The following CADM2 variants were observed in gnomAD, a reference collection of about 807,000 sequenced individuals.
CADM2 encodes immunoglobulin superfamily member 4D.
CADM2 carries 12 observed loss-of-function variants against 49.8 expected under a neutral mutation model. That is an observed-to-expected ratio of 0.24 (90% CI 0.15 to 0.39). The LOEUF (loss-of-function observed/expected upper bound fraction) is 0.39, where lower values mean the gene tolerates loss of function less well. Ranked by LOEUF, CADM2 falls within the 10% of genes least tolerant of loss-of-function variation. The pLI is 1.00. For synonymous variants in CADM2, 214 were observed against 175.4 expected, an observed-to-expected ratio of 1.22 and a Z score of -1.74; for missense variants, 378 against 492.3, an observed-to-expected ratio of 0.77 and a Z score of 2.20.
intron 1 of CADM2, among the ~76,000 whole-genome samples, chr3:85,152,780 AC>A (rs1451436166): frequency 6.6e-6 from 1 of 151,804 alleles, no homozygotes; most frequent in African/African-American, 2.4e-5. Flanking sequence ...ACACAGTGAA[AC>A]CCCGTCTCTA....
intron 8 of CADM2, among the ~76,000 whole-genome samples, chr3:85,985,437 A>C (rs1385234240): frequency 6.6e-6 from 1 of 151,996 alleles, no homozygotes; most frequent in East Asian, 1.9e-4. Flanking sequence ...TGTCCTCAGG[A>C]GGACATATGG....
Position 85,071,027 on chromosome 3 carries a change from T to TAAATAAAC in CADM2, c.61+111366_61+111367insCAAATAAA, listed in dbSNP as rs1398738848. Among the ~76,000 whole-genome samples, 484 of 110,352 alleles carry TAAATAAAC rather than the reference T, an allele frequency of 4.4e-3. 2 individuals are homozygous for TAAATAAAC. Among genetic ancestry groups the TAAATAAAC allele is most frequent in the Middle Eastern group, 0.028 (6 of 212 alleles). 72.4% of individuals were successfully genotyped at this position (110,352 alleles called of 152,430 possible). ...ATAAATAAATAAATAAATAAACAAA[T>TAAATAAAC]AAATAAATAAATAAAATACTTATTA... On this transcript the variant is annotated intron_variant, in intron 1 of 9. Coordinates refer to ENST00000383699, the MANE Select transcript of CADM2 (RefSeq NM_001167675.2).
intron 1 of CADM2, among the ~76,000 whole-genome samples, chr3:84,982,738 T>TATATATATACG (rs58154654): frequency 8.2e-6 from 1 of 121,660 alleles, no homozygotes; most frequent in African/African-American, 3.2e-5. Flanking sequence ...TATATATACA[T>TATATATATACG]TTTTTGTTTT....
At chr3:85,406,422 AAATATTT>A (rs1478409983) in intron 1 of CADM2, among the ~76,000 whole-genome samples, 3 of 152,218 alleles carry the variant, frequency 2.0e-5, no homozygotes, top group Non-Finnish European at 2.9e-5. Context: ...ATGCAACAAT[AAATATTT>A]AATATAGTAT....
intron 1 of CADM2, among the ~76,000 whole-genome samples, chr3:85,017,493 G>C (rs970002009): frequency 6.6e-6 from 1 of 152,042 alleles, no homozygotes; most frequent in African/African-American, 2.4e-5. Context: ...AGATATAAAT[G>C]TTTCTCCAGT....
In CADM2 at chr3:85,522,179, G is replaced by A. The variant is rs1198613353; in HGVS notation, c.62-204343G>A. The stretch of plus-strand genomic sequence containing the variant: ...TTAGGTGATAGGCAGTATACATCAC[G>A]ATATTATCCGTCCCCTTCCCTGTTC... On this transcript the variant is annotated intron_variant, in intron 1 of 9. Transcript: ENST00000383699. Among the ~76,000 whole-genome samples the A allele has an allele frequency of 3.3e-5, 5 of 151,984 alleles. 1 individual carries two copies. Among genetic ancestry groups the A allele is most frequent in the East Asian group, 1.9e-4 (1 of 5,186 alleles).
chr3:85,397,112 T>G (rs920465223), intron 1 of CADM2, among the ~76,000 whole-genome samples: 1 of 152,048 alleles, frequency 6.6e-6, no homozygotes, highest in South Asian at 2.1e-4. Context: ...TAAAGACATT[T>G]CTGTAAAGAA....
intron 1 of CADM2, among the ~76,000 whole-genome samples, chr3:85,169,307 G>A (rs1466799026): frequency 1.3e-5 from 2 of 152,046 alleles, no homozygotes. Flanking sequence ...ATTTAGTAAA[G>A]TTTTATTCTA....
intron 1 of CADM2, among the ~76,000 whole-genome samples, chr3:85,224,251 C>A (rs1332832935): frequency 1.3e-5 from 2 of 152,136 alleles, no homozygotes; most frequent in Non-Finnish European, 2.9e-5. Context: ...TTCTCCACAA[C>A]CTTTCCAACA....
chr3:86,028,115 T>C (rs1296238512), intron 8 of CADM2: 1 of 149,698 alleles, frequency 6.7e-6, no homozygotes, highest in African/African-American at 2.5e-5. Context: ...GATGAGTTAA[T>C]GGGTGCAGCA....
rs183313401 is a variant in CADM2 at position 85,750,514 on chromosome 3, G to A, written c.88+23966G>A. On this transcript the variant is annotated intron_variant, in intron 2 of 9. Coordinates refer to ENST00000383699, the MANE Select transcript of CADM2 (RefSeq NM_001167675.2). ...AAGAACACTTTGAGATACAGAATAA[G>A]GGGTTATGGTAAATATAGTGAATAT... Among the ~76,000 whole-genome samples the A allele has an allele frequency of 2.1e-3, 325 of 152,154 alleles. 1 individual carries two copies. The highest frequency in any genetic ancestry group is 3.7e-3 in the Non-Finnish European group (249 of 67,950).
intron 1 of CADM2, among the ~76,000 whole-genome samples, chr3:85,109,846 C>T (rs1422571509): frequency 6.6e-6 from 1 of 151,854 alleles, no homozygotes; most frequent in Non-Finnish European, 1.5e-5. Flanking sequence ...TTACATACAG[C>T]GTTGGTTCAA....
At chr3:85,291,004 C>T (rs2043777323) in intron 1 of CADM2, among the ~76,000 whole-genome samples, 1 of 152,120 alleles carries the variant, frequency 6.6e-6, no homozygotes, top group Admixed American at 6.5e-5. Flanking sequence ...TATGGGAGGA[C>T]ATTCAAACCA....
intron 1 of CADM2, among the ~76,000 whole-genome samples, chr3:85,338,202 CATATA>C (rs1460124562): frequency 6.6e-6 from 1 of 151,540 alleles, no homozygotes; most frequent in African/African-American, 2.4e-5. Context: ...CAGCTGGTTA[CATATA>C]AGCCTTTTCC....
chr3:85,851,870 T>C (rs1277910322), intron 3 of CADM2, among the ~76,000 whole-genome samples: 2 of 151,990 alleles, frequency 1.3e-5, no homozygotes, highest in Non-Finnish European at 2.9e-5. Flanking sequence ...ATGGGGATGC[T>C]ATTTGGTGAG....
intron 1 of CADM2, among the ~76,000 whole-genome samples, chr3:84,994,858 C>A (rs2033089726): frequency 1.3e-5 from 2 of 151,826 alleles, no homozygotes; most frequent in Non-Finnish European, 2.9e-5. Flanking sequence ...GAAACCGTGT[C>A]TCTACTAAAA....
At chr3:85,158,648 A>T (rs1342897265) in intron 1 of CADM2, among the ~76,000 whole-genome samples, 3 of 152,146 alleles carry the variant, frequency 2.0e-5, no homozygotes, top group Non-Finnish European at 2.9e-5. Context: ...CAATGAGAAC[A>T]CATGGACACA....
At chr3:85,789,519 C>T (rs926509578) in intron 2 of CADM2, among the ~76,000 whole-genome samples, 4 of 152,152 alleles carry the variant, frequency 2.6e-5, no homozygotes, top group Middle Eastern at 3.4e-3. Flanking sequence ...TTTTGAAATT[C>T]TTTCATTTGC....
intron 1 of CADM2, among the ~76,000 whole-genome samples, chr3:85,197,034 G>A (rs188857013): frequency 6.6e-6 from 1 of 151,882 alleles, no homozygotes; most frequent in Non-Finnish European, 1.5e-5. Context: ...CCTTTGCTAC[G>A]TTTTAGGACA....
Sources: gnomAD v4.1 joint callset for allele counts (sites outside exome capture counted in the v4.1 genomes callset) on GRCh38, gnomAD v4.1.1 for gene constraint, MANE v1.5 for transcripts, NCBI Gene and HGNC (gene_info 2026-07-23, HGNC 2026-07-21) for gene names.